LIPK: variants seen among roughly 807,000 people sequenced by gnomAD.
The protein encoded by LIPK is lipase family member K.
In LIPK, 32 loss-of-function variants were observed where a neutral mutation model predicts 48.6. The ratio of observed to expected loss-of-function variants is 0.66; its 90% CI spans 0.50 to 0.88. The LOEUF is 0.88. Ranked by LOEUF, LIPK falls within the 40% of genes least tolerant of loss-of-function variation. LIPK has a pLI of 0.00. For synonymous variants in LIPK, 164 were observed against 157.4 expected, an observed-to-expected ratio of 1.04 and a Z score of -0.32; for missense variants, 507 against 478.5, an observed-to-expected ratio of 1.06 and a Z score of -0.56.
At chr10:88,729,881 C>T (rs1048018025) in intron 3 of LIPK, among the ~76,000 whole-genome samples, 1 of 152,190 alleles carries the variant, frequency 6.6e-6, no homozygotes, top group Admixed American at 6.5e-5. Context: ...TCACAAACCA[C>T]TTATAAAGCA....
At position 88,732,446 on chromosome 10, in the gene LIPK, G is replaced by A; in HGVS notation, c.564G>A (p.Leu188=). ...AFIAFSTNPE[L]AKKIKIFFAL... is the part of the protein sequence containing the mutation. ...TAGCATTTTCTACAAACCCAGAACT[G>A]GCTAAAAAGATTAAGATATTTTTTG... The change falls in exon 6 of 10, where the codon CTG becomes CTA. Residue 188 remains leucine (L), a synonymous_variant. Transcript: ENST00000404190. 1 of 1,613,130 alleles carries A rather than the reference G, an allele frequency of 6.2e-7. No individual in the cohort carries two copies. The highest frequency in any genetic ancestry group is 1.7e-4 in the Middle Eastern group (1 of 6,060).
intron 6 of LIPK, among the ~76,000 whole-genome samples, chr10:88,734,517 T>C (rs1459682184): frequency 6.6e-6 from 1 of 152,124 alleles, no homozygotes; most frequent in Non-Finnish European, 1.5e-5. Context: ...ATATAAGTAA[T>C]TGGGGAGCAT....
At chr10:88,721,775 C>T (rs187414945) in intron 1 of LIPK, among the ~76,000 whole-genome samples, 9 of 152,282 alleles carry the variant, frequency 5.9e-5, no homozygotes, top group Middle Eastern at 3.4e-3. Flanking sequence ...GGCCTCAAAA[C>T]GCCAGCCACT....
At chr10:88,710,280 T>C (rs936883787) in intron 1 of LIPK, among the ~76,000 whole-genome samples, 47 of 152,286 alleles carry the variant, frequency 3.1e-4, no homozygotes, top group Non-Finnish European at 6.2e-4. Context: ...ATTTATTGAG[T>C]GGAACTACTG....
intron 1 of LIPK, among the ~76,000 whole-genome samples, chr10:88,720,042 C>G (rs1247314376): frequency 6.6e-6 from 1 of 152,076 alleles, no homozygotes; most frequent in Non-Finnish European, 1.5e-5. Context: ...CTACTGACTG[C>G]AGTAGCTAGA....
At chr10:88,733,768 T>A (rs1273628871) in intron 6 of LIPK, among the ~76,000 whole-genome samples, 1 of 152,230 alleles carries the variant, frequency 6.6e-6, no homozygotes, top group African/African-American at 2.4e-5. Flanking sequence ...TACCCTGACG[T>A]GTGTAGGACG....
intron 1 of LIPK, among the ~76,000 whole-genome samples, chr10:88,723,977 A>G (rs1018005269): frequency 2.6e-5 from 4 of 152,176 alleles, no homozygotes; most frequent in African/African-American, 9.6e-5. Flanking sequence ...TACTGTCTTA[A>G]GATATATAAT....
At chr10:88,745,104 C>G (rs1395210620) in intron 9 of LIPK, among the ~76,000 whole-genome samples, 1 of 152,080 alleles carries the variant, frequency 6.6e-6, no homozygotes, top group Non-Finnish European at 1.5e-5. Context: ...AAAAAATGAA[C>G]AAAATCTGCA....
At chr10:88,717,542 G>T (rs1203765967) in intron 1 of LIPK, among the ~76,000 whole-genome samples, 1 of 152,124 alleles carries the variant, frequency 6.6e-6, no homozygotes, top group Non-Finnish European at 1.5e-5. Flanking sequence ...TAGGTCTTCT[G>T]TTTTTCGGAC....
intron 8 of LIPK, among the ~76,000 whole-genome samples, 171 bp downstream of exon 8, chr10:88,740,238 CT>C (rs1292471690): frequency 2.0e-5 from 3 of 152,170 alleles, no homozygotes; most frequent in Non-Finnish European, 4.4e-5. Context: ...ATTTCTTCTC[CT>C]TGTCCTCAGT....
At chr10:88,706,423 GT>G (rs1414610209) in intron 1 of LIPK, among the ~76,000 whole-genome samples, 103 bp downstream of exon 1, 1 of 152,122 alleles carries the variant, frequency 6.6e-6, no homozygotes, top group African/African-American at 2.4e-5. Flanking sequence ...GATGAATATT[GT>G]ATTTTGATTC....
At chr10:88,732,799 C>T (rs1412784283) in intron 6 of LIPK, among the ~76,000 whole-genome samples, 1 of 152,214 alleles carries the variant, frequency 6.6e-6, no homozygotes, top group Non-Finnish European at 1.5e-5. Context: ...TCCTCAACCA[C>T]AGATAGAGAG....
At chr10:88,745,639 A>G (rs576603941) in intron 9 of LIPK, among the ~76,000 whole-genome samples, 2 of 152,310 alleles carry the variant, frequency 1.3e-5, no homozygotes, top group African/African-American at 4.8e-5. Context: ...AATGCTAAAC[A>G]TGGAAATAAA....
At chr10:88,715,907 C>T (rs2134691668) in intron 1 of LIPK, among the ~76,000 whole-genome samples, 1 of 152,074 alleles carries the variant, frequency 6.6e-6, no homozygotes, top group South Asian at 2.1e-4. Flanking sequence ...ATGCCTACCT[C>T]AAGATTGCAA....
intron 1 of LIPK, among the ~76,000 whole-genome samples, chr10:88,723,376 C>T (rs426478): frequency 0.78 from 118,193 of 152,078 alleles, 46,920 homozygotes; most frequent in East Asian, 1. Flanking sequence ...GCTATATTAA[C>T]CTGTATTAAT....
chr10:88,715,945 A>G (rs2134691757), intron 1 of LIPK, among the ~76,000 whole-genome samples: 1 of 152,260 alleles, frequency 6.6e-6, no homozygotes, highest in South Asian at 2.1e-4. Context: ...TGATGACTGA[A>G]AACAATTGAC....
intron 7 of LIPK, among the ~76,000 whole-genome samples, chr10:88,739,266 T>C (rs753505330): frequency 2.4e-4 from 36 of 152,360 alleles, no homozygotes; most frequent in Middle Eastern, 3.4e-3. Context: ...ACAGATCTAT[T>C]CTTAGTGTCT....
chr10:88,738,781 A>G (rs2134762912), intron 7 of LIPK, among the ~76,000 whole-genome samples: 1 of 152,346 alleles, frequency 6.6e-6, no homozygotes, highest in Non-Finnish European at 1.5e-5. Flanking sequence ...CCATATGGAC[A>G]CCTTTTGTCA....
chr10:88,725,796 G>C (rs973933083), intron 2 of LIPK, among the ~76,000 whole-genome samples: 2 of 152,008 alleles, frequency 1.3e-5, no homozygotes, highest in Non-Finnish European at 2.9e-5. Flanking sequence ...CTGCAGGTGG[G>C]GTATCTTTTC....
Sources: gnomAD v4.1 joint callset for allele counts (sites outside exome capture counted in the v4.1 genomes callset) on GRCh38, gnomAD v4.1.1 for gene constraint, MANE v1.5 for transcripts, NCBI Gene and HGNC (gene_info 2026-07-23, HGNC 2026-07-21) for gene names.